TUB: variants seen among roughly 807,000 people sequenced by gnomAD.
TUB encodes the protein TUB bipartite transcription factor.
Under a neutral mutation model 59.7 loss-of-function variants are expected in TUB, and 33 were observed. The observed-to-expected ratio is 0.55, with a 90% CI of 0.42 to 0.74. The LOEUF (loss-of-function observed/expected upper bound fraction) is 0.74. TUB is among the 30% of genes least tolerant of loss of function. TUB has a pLI of 0.00. For missense variants in TUB, 659 were observed against 672.0 expected (o/e 0.98, Z 0.21); for synonymous variants, 293 against 256.4 (o/e 1.14, Z -1.36).
At chr11:8,091,543 C>G (rs1404574370) in intron 3 of TUB, among the ~76,000 whole-genome samples, 2 of 152,194 alleles carry the variant, frequency 1.3e-5, no homozygotes, top group Non-Finnish European at 2.9e-5. Context: ...AGCAGCAGGG[C>G]TAGAATTTGA....
chr11:8,047,760 A>G (rs1942859003), intron 2 of TUB, among the ~76,000 whole-genome samples: 1 of 152,200 alleles, frequency 6.6e-6, no homozygotes, highest in Non-Finnish European at 1.5e-5. Context: ...CCTGAGCCCC[A>G]GGGAGGGTCC....
At chr11:8,080,167 T>A (rs1943519495), upstream of TUB, among the ~76,000 whole-genome samples, 1 of 152,134 alleles carries the variant, frequency 6.6e-6, no homozygotes, top group Non-Finnish European at 1.5e-5. Flanking sequence ...CTATTTATCA[T>A]CAGAAGATCC....
intron 3 of TUB, 61 bp downstream of exon 3, chr11:8,090,292 C>A: frequency 6.3e-7 from 1 of 1,587,782 alleles, no homozygotes. Context: ...CACTTCCTGC[C>A]CACCTAGGCA....
chr11:8,020,856 A>G (rs1457464646), intron 1 of TUB, among the ~76,000 whole-genome samples: 3 of 152,176 alleles, frequency 2.0e-5, no homozygotes, highest in Non-Finnish European at 4.4e-5. Context: ...CATTTATTCA[A>G]CAAACATGTA....
At position 8,098,820 on chromosome 11, in the gene TUB, C is replaced by G; in HGVS notation, c.1061C>G (p.Ser354Ter). ...YDNGVNPQKA[S>*]SSTLESGTLR... is the part of the protein sequence containing the mutation. ...AATGGAGTCAACCCTCAGAAGGCCT[C>G]ATCCTCCACTTTGGAAAGTGGAACC... is the stretch of plus-strand genomic sequence containing the variant. The change falls in exon 9 of 12, where the codon TCA (serine) becomes TGA (stop). Residue 354 changes from serine to a stop codon, truncating the protein, a stop_gained. Transcript: ENST00000299506. LOFTEE classifies it high-confidence loss of function. The G allele has an allele frequency of 6.2e-7, 1 of 1,614,200 alleles. No individual in the cohort carries two copies. Among genetic ancestry groups the G allele is most frequent in the South Asian group, 1.1e-5 (1 of 91,084 alleles).
rs147394931 is a variant in TUB at position 8,098,875 on chromosome 11, C to T, written c.1116C>T (p.Tyr372=). The T allele has an allele frequency of 1.4e-5, 22 of 1,609,672 alleles. No homozygotes were observed. Among genetic ancestry groups the T allele is most frequent in the South Asian group, 9.9e-5 (9 of 90,956 alleles). Residue 372 remains tyrosine, a splice_region_variant and synonymous_variant, in exon 9 of 12, where the codon TAC becomes TAT. Transcript: ENST00000299506. ...GTCAGGAGCTGGCAGCTGTGTGCTA[C>T]GTGAGTCCTAGGTTCGGGGGTCTCT... ...TLRQELAAVC[Y]ETNVLGFKGP... is the part of the protein sequence containing the mutation.
chr11:8,055,224 C>T (rs11041722), intron 2 of TUB, among the ~76,000 whole-genome samples: 64,004 of 151,590 alleles, frequency 0.42, 15,538 homozygotes, highest in Middle Eastern at 0.6. Context: ...TGTGTGTGTG[C>T]GTGTGTGAGA....
intron 2 of TUB, among the ~76,000 whole-genome samples, chr11:8,062,809 C>G (rs905543644): frequency 1.3e-5 from 2 of 151,982 alleles, no homozygotes; most frequent in African/African-American, 4.8e-5. Flanking sequence ...GGGGAGGAAA[C>G]CACTGCTCTT....
intron 2 of TUB, 89 bp from the exon 3 acceptor site, chr11:8,089,980 G>A (rs1943739849): frequency 2.1e-6 from 3 of 1,462,374 alleles, no homozygotes; most frequent in South Asian, 2.9e-5. Flanking sequence ...TGGGGCCTTG[G>A]CCCAAGGTGG....
chr11:8,100,494 C>T lies in TUB; in HGVS notation c.1117-9C>T, dbSNP rs763276585. 2.5e-6 allele frequency: 4 copies of T among 1,613,278 alleles called. No individual in the cohort carries two copies. In the African/African-American group the frequency reaches 4.0e-5, roughly 16 times the overall value. ...CCTCAGGTGGCCAGTGTTGCGTTCT[C>T]TTTCCCAGGAGACAAACGTCTTAGG... On this transcript the variant is annotated splice_polypyrimidine_tract_variant and intron_variant, in intron 9 of 11. Coordinates refer to ENST00000299506, the MANE Select transcript of TUB (RefSeq NM_177972.3).
chr11:8,090,089 GC>G lies in TUB; in HGVS notation c.112del (p.Gln38ArgfsTer9). 6.2e-7 allele frequency: 1 copy of G among 1,610,648 alleles called. No homozygotes were observed. The highest frequency in any genetic ancestry group is 8.5e-7 in the Non-Finnish European group (1 of 1,178,546). ...DRQRALLEQKQKKKRQEPLMV... is the reference protein window; with the variant it reads ...DRQRALLEQKXKKKRQEPLMV... Reference sequence around the variant, plus strand: ...CATAGCGGGCCCTGCTGGAGCAGAAGCAGAAGAAGAAGCGCCAGGAGCCCCT... The same window carrying G: ...CATAGCGGGCCCTGCTGGAGCAGAAGAGAAGAAGAAGCGCCAGGAGCCCCT... On this transcript the variant is annotated frameshift_variant, in exon 3 of 12. Coordinates refer to ENST00000299506, the MANE Select transcript of TUB (RefSeq NM_177972.3). LOFTEE classifies it high-confidence loss of function.
intron 2 of TUB, among the ~76,000 whole-genome samples, chr11:8,058,868 A>G (rs1943069771): frequency 6.6e-6 from 1 of 152,262 alleles, no homozygotes; most frequent in African/African-American, 2.4e-5. Flanking sequence ...GGAATTTACA[A>G]TAAAGAATAT....
At chr11:8,090,386 G>C (rs1413906807) in intron 3 of TUB, among the ~76,000 whole-genome samples, 155 bp downstream of exon 3, 1 of 152,258 alleles carries the variant, frequency 6.6e-6, no homozygotes, top group African/African-American at 2.4e-5. Flanking sequence ...AGGGCAGAGG[G>C]AAGGTGGACC....
chr11:8,104,355 C>T lies in TUB; in HGVS notation c.*2736C>T, dbSNP rs1355907487. 3 of 152,320 alleles carry T rather than the reference C, an allele frequency of 2.0e-5. No homozygotes were observed. Among genetic ancestry groups the T allele is most frequent in the Non-Finnish European group, 2.9e-5 (2 of 68,110 alleles). 9.4% of individuals were successfully genotyped at this position (152,320 alleles called of 1,614,324 possible). On this transcript the variant is annotated 3_prime_UTR_variant, in exon 12 of 12. Transcript: ENST00000299506. Reference sequence around the variant, plus strand: ...AACAATTCTGCAGAGTGGTGAAGTTCACTTCCCCAACTCTTCTCCAAGTCT... The same window carrying T: ...AACAATTCTGCAGAGTGGTGAAGTTTACTTCCCCAACTCTTCTCCAAGTCT...
At chr11:8,027,024 T>A (rs897335515) in intron 1 of TUB, among the ~76,000 whole-genome samples, 19 of 152,232 alleles carry the variant, frequency 1.2e-4, no homozygotes, top group Non-Finnish European at 2.5e-4. Flanking sequence ...TATTTTTCAA[T>A]GATATTATAA....
chr11:8,060,326 C>G (rs894923086), intron 2 of TUB, among the ~76,000 whole-genome samples: 3 of 152,152 alleles, frequency 2.0e-5, no homozygotes, highest in African/African-American at 4.8e-5. Flanking sequence ...TCCCTCCGTA[C>G]AGGAAAACCA....
chr11:8,045,224 G>C (rs1386259459), intron 2 of TUB, among the ~76,000 whole-genome samples: 1 of 152,018 alleles, frequency 6.6e-6, no homozygotes, highest in Non-Finnish European at 1.5e-5. Flanking sequence ...AATAAACTCA[G>C]GTATGGTTGA....
At chr11:8,068,848 T>A (rs1296902195) in intron 2 of TUB, 1 of 152,250 alleles carries the variant, frequency 6.6e-6, no homozygotes, top group Non-Finnish European at 1.5e-5. Flanking sequence ...GTTAGTCATC[T>A]CTGGGTCCCC....
At chr11:8,093,931 G>A in intron 3 of TUB, 115 bp from the exon 4 acceptor site, 1 of 1,236,668 alleles carries the variant, frequency 8.1e-7, no homozygotes. Flanking sequence ...CAGGGGCCCT[G>A]GTGGGACTCG....
Sources: allele counts gnomAD v4.1 joint callset (sites outside exome capture counted in the v4.1 genomes callset), GRCh38; gene constraint gnomAD v4.1.1; transcripts MANE v1.5; gene names NCBI Gene and HGNC (gene_info 2026-07-23, HGNC 2026-07-21).